Variants in CRPPA observed in about 807,000 individuals in gnomAD.
CRPPA encodes the protein CDP-L-ribitol pyrophosphorylase A, also known as D-ribitol-5-phosphate cytidylyltransferase.
Under a neutral mutation model 52.0 loss-of-function variants are expected in CRPPA, and 43 were observed. The ratio of observed to expected loss-of-function variants is 0.83; its 90% confidence interval spans 0.65 to 1.07. CRPPA has a LOEUF of 1.07. Ranked by LOEUF, CRPPA falls within the 50% of genes least tolerant of loss-of-function variation. The pLI, the probability that CRPPA is intolerant of heterozygous loss-of-function variation, is 0.00. For missense variants in CRPPA, 629 were observed against 551.7 expected, an observed-to-expected ratio of 1.14 and a Z score of -1.40; for synonymous variants, 250 against 203.5, an observed-to-expected ratio of 1.23 and a Z score of -1.94.
intron 3 of CRPPA, among the ~76,000 whole-genome samples, chr7:16,341,001 A>C (rs1027601163): frequency 6.6e-6 from 1 of 152,150 alleles, no homozygotes; most frequent in Non-Finnish European, 1.5e-5. Context: ...TCCAATCTGA[A>C]AAGGTTATAT....
intron 3 of CRPPA, among the ~76,000 whole-genome samples, chr7:16,360,046 G>A (rs537251876): frequency 6.6e-6 from 1 of 152,238 alleles, no homozygotes; most frequent in South Asian, 2.1e-4. Context: ...GTTTACAACT[G>A]GACTTCATCC....
At chr7:16,399,417 TGTGACAA>T (rs1787729684) in intron 2 of CRPPA, among the ~76,000 whole-genome samples, 1 of 43,304 alleles carries the variant, frequency 2.3e-5, no homozygotes, top group East Asian at 9.7e-4. Context: ...CTTTGTGACA[TGTGACAA>T]GTGACAAGAT....
At chr7:16,163,393 T>G (rs1200789706) in intron 9 of CRPPA, among the ~76,000 whole-genome samples, 1 of 152,174 alleles carries the variant, frequency 6.6e-6, no homozygotes, top group Non-Finnish European at 1.5e-5. Flanking sequence ...TCACTTTATT[T>G]TGAGCCTATG....
chr7:16,296,939 C>G (rs868461646), intron 5 of CRPPA, among the ~76,000 whole-genome samples: 50 of 152,244 alleles, frequency 3.3e-4, no homozygotes, highest in African/African-American at 1.2e-3. Context: ...ATCACACCAG[C>G]TGAAGGTATA....
intron 9 of CRPPA, among the ~76,000 whole-genome samples, chr7:16,192,183 G>C (rs942643173): frequency 1.4e-4 from 21 of 152,024 alleles, no homozygotes; most frequent in African/African-American, 4.8e-4. Context: ...GGATGGTGCG[G>C]GTGATAAGGT....
Position 16,395,863 on chromosome 7 carries a change from C to T in CRPPA, c.534+10198G>A, listed in dbSNP as rs140202213. Among the ~76,000 whole-genome samples the T allele has an allele frequency of 4.8e-3, 727 of 152,278 alleles. 6 individuals are homozygous for T. Among genetic ancestry groups the T allele is most frequent in the African/African-American group, 0.016 (682 of 41,570 alleles). ...CTTCCTTTGAAAGTAATTCATAGAA[C>T]GGAAACATAGAAGTGGGTAATTTGA... On this transcript the variant is annotated intron_variant, in intron 2 of 9. Coordinates refer to ENST00000407010, the MANE Select transcript of CRPPA (RefSeq NM_001101426.4).
At chr7:16,149,698 A>C (rs1783037943) in intron 9 of CRPPA, among the ~76,000 whole-genome samples, 2 of 152,194 alleles carry the variant, frequency 1.3e-5, no homozygotes, top group African/African-American at 4.8e-5. Context: ...ATTGATAAAA[A>C]CTATTGGCCA....
intron 9 of CRPPA, among the ~76,000 whole-genome samples, chr7:16,173,496 T>G (rs1781235347): frequency 6.6e-6 from 1 of 152,148 alleles, no homozygotes; most frequent in Admixed American, 6.5e-5. Flanking sequence ...GAAGGATGAA[T>G]GAGATTGTTA....
chr7:16,217,675 G>C (rs1456801999), intron 8 of CRPPA, among the ~76,000 whole-genome samples: 1 of 143,632 alleles, frequency 7.0e-6, no homozygotes, highest in Middle Eastern at 3.3e-3. Context: ...GCGATCAACT[G>C]GAAGAAAGGG....
intron 3 of CRPPA, among the ~76,000 whole-genome samples, chr7:16,356,951 G>C (rs1786310921): frequency 1.3e-5 from 2 of 151,996 alleles, no homozygotes; most frequent in Non-Finnish European, 2.9e-5. Context: ...TGGTTCTCTG[G>C]GATATCAATG....
At chr7:16,101,247 C>A (rs1040410388) in intron 9 of CRPPA, among the ~76,000 whole-genome samples, 4 of 152,096 alleles carry the variant, frequency 2.6e-5, no homozygotes, top group Admixed American at 6.6e-5. Context: ...CCTCTTTGTA[C>A]CTCTGGTAGA....
At chr7:16,341,919 T>TA (rs1438058903) in intron 3 of CRPPA, among the ~76,000 whole-genome samples, 3 of 152,208 alleles carry the variant, frequency 2.0e-5, no homozygotes, top group Non-Finnish European at 4.4e-5. Flanking sequence ...TTTCTTTCTC[T>TA]AGTCATTTCT....
intron 9 of CRPPA, among the ~76,000 whole-genome samples, chr7:16,120,861 TA>T (rs144760469): frequency 0.29 from 44,836 of 152,006 alleles, 7,904 homozygotes; most frequent in Admixed American, 0.4. Context: ...GATAAGGATT[TA>T]AAAAATACAT....
At chr7:16,243,143 C>T (rs539306079) in intron 8 of CRPPA, among the ~76,000 whole-genome samples, 103 of 152,206 alleles carry the variant, frequency 6.8e-4, no homozygotes, top group African/African-American at 2.4e-3. Context: ...ATGCTGTTCT[C>T]GTGATAGTGA....
At chr7:16,239,978 C>A (rs1458805157) in intron 8 of CRPPA, among the ~76,000 whole-genome samples, 1 of 151,998 alleles carries the variant, frequency 6.6e-6, no homozygotes, top group Non-Finnish European at 1.5e-5. Context: ...AGAATGAATA[C>A]TAGCGAGGTA....
In CRPPA at chr7:16,090,661, T is replaced by C. The variant is rs1781819057; in HGVS notation, c.*1034A>G. 1 of 151,902 alleles carries C rather than the reference T, an allele frequency of 6.6e-6. No homozygotes were observed. Among genetic ancestry groups the C allele is most frequent in the Non-Finnish European group, 1.5e-5 (1 of 68,052 alleles). The allele number at this position is 151,902 out of a possible 1,614,324, so 9.4% of individuals were successfully genotyped here. On this transcript the variant is annotated 3_prime_UTR_variant, in exon 10 of 10. Coordinates refer to ENST00000407010, the MANE Select transcript of CRPPA (RefSeq NM_001101426.4). ...TTGCTTAAACCCAGGAGGCAGAGGT[T>C]GCAGTCAGCTGAGATTGTGCCACTG...
At chr7:16,224,850 C>A (rs943414201) in intron 8 of CRPPA, among the ~76,000 whole-genome samples, 2 of 152,086 alleles carry the variant, frequency 1.3e-5, no homozygotes, top group African/African-American at 2.4e-5. Flanking sequence ...TAATAAGCTA[C>A]GCTTAAAATA....
rs190956851 is a variant in CRPPA at position 16,189,051 on chromosome 7, T to C, written c.1251+27015A>G. 3.3e-5 allele frequency among the ~76,000 whole-genome samples: 5 copies of C among 152,286 alleles called. No individual in the cohort carries two copies. The East Asian group carries it at 9.6e-4, about 29-fold the overall frequency. On this transcript the variant is annotated intron_variant, in intron 9 of 9. Transcript: ENST00000407010. ...TGCAAACATTTAGTATGTTCCAACA[T>C]CATTCGATGTCTCTGAAGACTCTGG...
intron 8 of CRPPA, among the ~76,000 whole-genome samples, chr7:16,232,369 T>C (rs1451492881): frequency 6.6e-6 from 1 of 152,164 alleles, no homozygotes; most frequent in African/African-American, 2.4e-5. Context: ...ATGGATTAGT[T>C]ACTGCAGAAA....
Sources: allele counts gnomAD v4.1 joint callset (sites outside exome capture counted in the v4.1 genomes callset), GRCh38; gene constraint gnomAD v4.1.1; transcripts MANE v1.5; gene names NCBI Gene and HGNC (gene_info 2026-07-23, HGNC 2026-07-21).